ZNF277: variants seen among roughly 807,000 people sequenced by gnomAD.
The protein encoded by ZNF277 is nuclear receptor-interacting factor 4.
Under a neutral mutation model 60.7 loss-of-function variants are expected in ZNF277, and 55 were observed. The observed-to-expected ratio is 0.91, with a 90% CI of 0.73 to 1.13. ZNF277 has a LOEUF of 1.13. ZNF277 is among the 50% of genes most tolerant of loss of function. The probability of loss-of-function intolerance (pLI) is 0.00; values close to 1 mark genes in which losing one functional copy is unlikely to be tolerated. For synonymous variants in ZNF277, 178 were observed against 179.3 expected, an observed-to-expected ratio of 0.99 and a Z score of 0.06; for missense variants, 510 against 523.0, an observed-to-expected ratio of 0.98 and a Z score of 0.24.
intron 1 of ZNF277, among the ~76,000 whole-genome samples, chr7:112,246,331 C>G (rs1791085304): frequency 6.6e-6 from 1 of 152,086 alleles, no homozygotes; most frequent in Non-Finnish European, 1.5e-5. Flanking sequence ...GAGGTCGAGG[C>G]TGCAGTGAGC....
intron 1 of ZNF277, among the ~76,000 whole-genome samples, chr7:112,251,515 T>C (rs1259192904): frequency 6.6e-6 from 1 of 152,236 alleles, no homozygotes; most frequent in African/African-American, 2.4e-5. Flanking sequence ...TATATGTATA[T>C]GTTTTGTCTC....
At chr7:112,318,006 T>C (rs73424472) in intron 4 of ZNF277, among the ~76,000 whole-genome samples, 176 bp from the exon 5 acceptor site, 4,275 of 152,196 alleles carry the variant, frequency 0.028, 214 homozygotes, top group African/African-American at 0.098. Context: ...GTAAGCATTT[T>C]ATGGGACAGA....
At chr7:112,291,918 C>T (rs1191421908) in intron 2 of ZNF277, among the ~76,000 whole-genome samples, 1 of 152,002 alleles carries the variant, frequency 6.6e-6, no homozygotes, top group African/African-American at 2.4e-5. Flanking sequence ...TTATATTTTG[C>T]TTTGTAACAG....
In ZNF277 at chr7:112,310,456, A is replaced by AGAGAGAGAGAGAGAGAGAGAGT. The variant is rs771153849; in HGVS notation, c.466-7705_466-7704insTGAGAGAGAGAGAGAGAGAGAG. On this transcript the variant is annotated intron_variant, in intron 4 of 11. Transcript: ENST00000361822. ...AGGGCCTACCTTTAGGTTAGGTTTGAGAGAGAGAGAGAGAGAGAGAGAGTG... is the reference window on the plus strand; with the variant it reads ...AGGGCCTACCTTTAGGTTAGGTTTGAGAGAGAGAGAGAGAGAGAGAGTGAGAGAGAGAGAGAGAGAGAGAGTG... Among the ~76,000 whole-genome samples the AGAGAGAGAGAGAGAGAGAGAGT allele has an allele frequency of 4.9e-4, 68 of 138,336 alleles. 1 individual carries two copies. Among genetic ancestry groups the AGAGAGAGAGAGAGAGAGAGAGT allele is most frequent in the African/African-American group, 1.5e-3 (49 of 33,542 alleles). 90.8% of individuals were successfully genotyped at this position (138,336 alleles called of 152,430 possible).
At chr7:112,224,832 T>A (rs1038050201) in intron 1 of ZNF277, among the ~76,000 whole-genome samples, 1 of 152,020 alleles carries the variant, frequency 6.6e-6, no homozygotes, top group African/African-American at 2.4e-5. Context: ...GGAGTCAAGT[T>A]ATTAAAAGTC....
chr7:112,319,620 C>T (rs1563227653), intron 5 of ZNF277, among the ~76,000 whole-genome samples: 4 of 147,406 alleles, frequency 2.7e-5, no homozygotes, highest in Admixed American at 6.8e-5. Flanking sequence ...AAGGTAGCCA[C>T]TTATTGGAAT....
chr7:112,263,357 T>C (rs1791476576), intron 1 of ZNF277, among the ~76,000 whole-genome samples: 1 of 152,182 alleles, frequency 6.6e-6, no homozygotes, highest in South Asian at 2.1e-4. Flanking sequence ...TGGAATTGAG[T>C]TCTCACTGAC....
chr7:112,260,603 A>G (rs950857238), intron 1 of ZNF277, among the ~76,000 whole-genome samples: 4 of 152,200 alleles, frequency 2.6e-5, no homozygotes, highest in African/African-American at 7.2e-5. Flanking sequence ...ATATTCTTGA[A>G]TAAACCCCTC....
chr7:112,341,831 T>G (rs1793451401), intron 11 of ZNF277, among the ~76,000 whole-genome samples: 1 of 152,220 alleles, frequency 6.6e-6, no homozygotes, highest in Non-Finnish European at 1.5e-5. Flanking sequence ...CCCAGAACTT[T>G]AACCAGAAAG....
intron 2 of ZNF277, among the ~76,000 whole-genome samples, chr7:112,291,928 G>C (rs1210393483): frequency 6.6e-6 from 1 of 152,104 alleles, no homozygotes; most frequent in Non-Finnish European, 1.5e-5. Flanking sequence ...CTTTGTAACA[G>C]ATGATTTTTT....
At chr7:112,264,394 A>C (rs1490726072) in intron 1 of ZNF277, among the ~76,000 whole-genome samples, 3 of 152,132 alleles carry the variant, frequency 2.0e-5, no homozygotes, top group Non-Finnish European at 4.4e-5. Flanking sequence ...GAAAATTATC[A>C]TTTAAAAATG....
chr7:112,272,137 C>T (rs989652903), intron 1 of ZNF277, among the ~76,000 whole-genome samples: 1 of 152,108 alleles, frequency 6.6e-6, no homozygotes, highest in African/African-American at 2.4e-5. Flanking sequence ...TCCATGAGCT[C>T]AATTGTTTTA....
At chr7:112,270,113 C>A (rs2057707) in intron 1 of ZNF277, among the ~76,000 whole-genome samples, 122,758 of 151,922 alleles carry the variant, frequency 0.81, 50,495 homozygotes, top group East Asian at 1. Flanking sequence ...AAGTAATCCC[C>A]ATAAAAAAAG....
At chr7:112,332,221 T>C (rs996838332) in intron 7 of ZNF277, among the ~76,000 whole-genome samples, 2 of 152,190 alleles carry the variant, frequency 1.3e-5, no homozygotes, top group Non-Finnish European at 2.9e-5. Context: ...TTGATAGAAG[T>C]CTTTTTTTTA....
intron 9 of ZNF277, 51 bp downstream of exon 9, chr7:112,337,877 C>G (rs758349865): frequency 6.8e-7 from 1 of 1,481,196 alleles, no homozygotes; most frequent in Non-Finnish European, 9.3e-7. Flanking sequence ...CAGGGGAAAG[C>G]TAGTAATTGT....
chr7:112,324,223 G>T (rs1793049325), intron 5 of ZNF277, among the ~76,000 whole-genome samples: 1 of 152,068 alleles, frequency 6.6e-6, no homozygotes, highest in African/African-American at 2.4e-5. Flanking sequence ...CTACAGATAG[G>T]CAAAATTGCC....
intron 7 of ZNF277, among the ~76,000 whole-genome samples, chr7:112,333,164 A>AG (rs1338284458): frequency 1.3e-5 from 2 of 152,008 alleles, no homozygotes; most frequent in Non-Finnish European, 2.9e-5. Flanking sequence ...AAAAAAAAAA[A>AG]GATAGATATT....
At chr7:112,227,816 C>G (rs539243025) in intron 1 of ZNF277, among the ~76,000 whole-genome samples, 7 of 152,004 alleles carry the variant, frequency 4.6e-5, no homozygotes, top group African/African-American at 1.7e-4. Flanking sequence ...CTACATACGT[C>G]TTTGTAGCTT....
At chr7:112,333,347 G>T (rs1421967762) in intron 7 of ZNF277, among the ~76,000 whole-genome samples, 1 of 152,234 alleles carries the variant, frequency 6.6e-6, no homozygotes, top group South Asian at 2.1e-4. Context: ...AAAAAATATT[G>T]TAGATAGAAA....
Sources: gnomAD v4.1 joint callset for allele counts (sites outside exome capture counted in the v4.1 genomes callset) on GRCh38, gnomAD v4.1.1 for gene constraint, MANE v1.5 for transcripts, NCBI Gene and HGNC (gene_info 2026-07-23, HGNC 2026-07-21) for gene names.